Variants in CHST3 observed in about 807,000 individuals in gnomAD.
CHST3 encodes the protein carbohydrate sulfotransferase 3.
A neutral mutation model predicts 35.4 loss-of-function variants in CHST3; 20 were observed. That is an observed-to-expected ratio of 0.57 (90% CI 0.40 to 0.82). The LOEUF (loss-of-function observed/expected upper bound fraction) is 0.82. Ranked by LOEUF, CHST3 falls within the 40% of genes least tolerant of loss-of-function variation. The pLI, the probability that CHST3 is intolerant of heterozygous loss-of-function variation, is 0.00. For synonymous variants in CHST3, 334 were observed against 295.9 expected, an observed-to-expected ratio of 1.13 and a Z score of -1.32; for missense variants, 693 against 670.1, an observed-to-expected ratio of 1.03 and a Z score of -0.38.
At chr10:71,971,947 T>A (rs945712453) in intron 1 of CHST3, among the ~76,000 whole-genome samples, 1 of 152,188 alleles carries the variant, frequency 6.6e-6, no homozygotes, top group Non-Finnish European at 1.5e-5. Flanking sequence ...CTTGCTTTCT[T>A]TTTACCGAGA....
intron 1 of CHST3, among the ~76,000 whole-genome samples, chr10:71,979,633 C>T (rs1839781992): frequency 6.6e-6 from 1 of 152,182 alleles, no homozygotes; most frequent in Admixed American, 6.5e-5. Context: ...TGCATTTCCA[C>T]CCAGAGATGG....
At position 72,007,342 on chromosome 10, in the gene CHST3, AG is replaced by A; in HGVS notation, c.312del (p.Glu104AspfsTer112). The A allele has an allele frequency of 6.2e-7, 1 of 1,609,872 alleles. No homozygotes were observed. Among genetic ancestry groups the A allele is most frequent in the Non-Finnish European group, 8.5e-7 (1 of 1,178,200 alleles). On this transcript the variant is annotated frameshift_variant, in exon 3 of 3. Transcript: ENST00000373115. LOFTEE classifies it high-confidence loss of function. The part of the protein sequence containing the change: ...LRNLSLQLGV[E>X]PAMEAAGEEE... ...AACCTCAGCTTGCAGCTGGGCGTGG[AG>A]CCAGCCATGGAGGCCGCAGGGGAGG...
At position 72,007,706 on chromosome 10, in the gene CHST3, C is replaced by A. The variant is rs771098871; in HGVS notation, c.675C>A (p.Ser225Arg). The A allele has an allele frequency of 1.2e-6, 2 of 1,606,864 alleles. No homozygotes were observed. Among genetic ancestry groups the A allele is most frequent in the East Asian group, 4.5e-5 (2 of 44,852 alleles). ...AGTTCATGTTCCGCCGGGGCTCCAG[C>A]CGCTCCCTGTGCGAGGACCCCGTCT... ...LTQFMFRRGS[S>R]RSLCEDPVCT... Residue 225 changes from serine to arginine, a missense_variant, in exon 3 of 3, where the codon AGC becomes AGA. Coordinates refer to ENST00000373115, the MANE Select transcript of CHST3 (RefSeq NM_004273.5).
chr10:72,005,492 C>T (rs1840029549), intron 1 of CHST3, among the ~76,000 whole-genome samples: 1 of 152,152 alleles, frequency 6.6e-6, no homozygotes, highest in Admixed American at 6.5e-5. Context: ...GTGCACAGGC[C>T]TTTGATGTGT....
intron 1 of CHST3, among the ~76,000 whole-genome samples, chr10:71,998,071 C>T (rs1839957727): frequency 1.3e-5 from 2 of 152,006 alleles, no homozygotes; most frequent in African/African-American, 2.4e-5. Flanking sequence ...TGTGGGATGT[C>T]GAGGCTGCAG....
intron 1 of CHST3, among the ~76,000 whole-genome samples, chr10:71,977,528 C>A (rs1839758020): frequency 6.6e-6 from 1 of 150,672 alleles, no homozygotes; most frequent in African/African-American, 2.5e-5. Context: ...TAGCTCACTG[C>A]AGCCTTGACC....
In CHST3 at chr10:72,007,876, T is replaced by A. The variant is rs772237363; in HGVS notation, c.845T>A (p.Phe282Tyr). Residue 282 changes from phenylalanine (F) to tyrosine (Y), a missense_variant, in exon 3 of 3, where the codon TTC (phenylalanine) becomes TAC (tyrosine). Coordinates refer to ENST00000373115, the MANE Select transcript of CHST3 (RefSeq NM_004273.5). ...LKAVRIRQLE[F>Y]LQPLAEDPRL... ...GCGGTGCGCATCCGGCAGCTGGAGT[T>A]CCTGCAGCCGCTGGCCGAGGACCCC... 1.8e-5 allele frequency: 28 copies of A among 1,594,318 alleles called. No individual in the cohort carries two copies. Among genetic ancestry groups the A allele is most frequent in the African/African-American group, 1.3e-5 (1 of 74,546 alleles).
intron 1 of CHST3, among the ~76,000 whole-genome samples, chr10:71,988,827 G>A (rs1420880509): frequency 1.3e-5 from 2 of 152,106 alleles, no homozygotes; most frequent in Non-Finnish European, 2.9e-5. Context: ...AGTGCTCCAG[G>A]CTGCCAATTA....
intron 1 of CHST3, among the ~76,000 whole-genome samples, chr10:71,970,750 T>C (rs1248678946): frequency 6.6e-6 from 1 of 152,238 alleles, no homozygotes; most frequent in Non-Finnish European, 1.5e-5. Flanking sequence ...ATGATGAGAC[T>C]TTTCTCCATT....
intron 1 of CHST3, among the ~76,000 whole-genome samples, chr10:71,967,966 G>A (rs1839647609): frequency 8.9e-6 from 1 of 112,700 alleles, no homozygotes; most frequent in Non-Finnish European, 1.9e-5. Flanking sequence ...GCACCACCAT[G>A]CGTGGCTAAT....
At chr10:71,999,965 G>T (rs890196385) in intron 1 of CHST3, among the ~76,000 whole-genome samples, 2 of 152,222 alleles carry the variant, frequency 1.3e-5, no homozygotes, top group African/African-American at 4.8e-5. Flanking sequence ...AGCTGTGAGA[G>T]GCTGGATGGA....
intron 1 of CHST3, among the ~76,000 whole-genome samples, chr10:71,973,633 C>T (rs1839717805): frequency 6.6e-6 from 1 of 152,216 alleles, no homozygotes; most frequent in Admixed American, 6.5e-5. Flanking sequence ...CGCGCCTATG[C>T]TCATGCTGAC....
At chr10:71,965,692 G>C (rs537252334) in intron 1 of CHST3, among the ~76,000 whole-genome samples, 1 of 152,354 alleles carries the variant, frequency 6.6e-6, no homozygotes, top group African/African-American at 2.4e-5. Context: ...TGGGCACTCA[G>C]TCAGTACTTG....
chr10:71,972,289 G>A (rs1053840384), intron 1 of CHST3, among the ~76,000 whole-genome samples: 1 of 152,182 alleles, frequency 6.6e-6, no homozygotes, highest in Non-Finnish European at 1.5e-5. Flanking sequence ...GTCCCGTTGT[G>A]GCTGCACCGA....
In CHST3 at chr10:72,008,613, A is replaced by C. The variant is rs980935081; in HGVS notation, c.*142A>C. 3.7e-5 allele frequency: 52 copies of C among 1,421,032 alleles called. No homozygotes were observed. The African/African-American group carries it at 6.5e-4, about 18-fold the overall frequency. 88.0% of individuals were successfully genotyped at this position (1,421,032 alleles called of 1,614,324 possible). ...AGGGCCCCCAGCCAGCGCTCCAGCC[A>C]AAGCGGCGGCCCCAGGGTTAATTGC... On this transcript the variant is annotated 3_prime_UTR_variant, in exon 3 of 3. Transcript: ENST00000373115.
At position 71,964,709 on chromosome 10, in the gene CHST3, G is replaced by C. The variant is rs868617293; in HGVS notation, c.-108+15G>C. On this transcript the variant is annotated intron_variant, in intron 1 of 2. Transcript: ENST00000373115. The stretch of plus-strand genomic sequence containing the variant: ...CGGCGGCCGGGGTAAGTGGGGCGCC[G>C]GCGTCCTGGAACCGCCGCCCAGCCC... The C allele has an allele frequency of 6.6e-6, 1 of 151,990 alleles. No individual in the cohort carries two copies. Among genetic ancestry groups the C allele is most frequent in the Non-Finnish European group, 1.5e-5 (1 of 67,956 alleles). 9.4% of individuals were successfully genotyped at this position (151,990 alleles called of 1,614,324 possible).
intron 1 of CHST3, among the ~76,000 whole-genome samples, chr10:71,997,206 A>AC (rs1275686447): frequency 3.3e-5 from 5 of 151,044 alleles, no homozygotes; most frequent in Non-Finnish European, 4.4e-5. Flanking sequence ...TTAAACATCA[A>AC]CCCCCCGGCC....
intron 1 of CHST3, among the ~76,000 whole-genome samples, chr10:72,004,165 C>G: frequency 6.6e-6 from 1 of 151,636 alleles, no homozygotes; most frequent in Middle Eastern, 3.2e-3. Flanking sequence ...GAGACTCCAT[C>G]TCAAAATAAT....
intron 1 of CHST3, among the ~76,000 whole-genome samples, chr10:72,004,171 A>G (rs1233052990): frequency 1.3e-5 from 2 of 152,152 alleles, no homozygotes; most frequent in East Asian, 1.9e-4. Context: ...CCATCTCAAA[A>G]TAATAATAAT....
Sources: gnomAD v4.1 joint callset for allele counts (sites outside exome capture counted in the v4.1 genomes callset) on GRCh38, gnomAD v4.1.1 for gene constraint, MANE v1.5 for transcripts, NCBI Gene and HGNC (gene_info 2026-07-23, HGNC 2026-07-21) for gene names.